Variants in RBMS1 observed in about 807,000 individuals in gnomAD.
RBMS1 encodes the protein RNA-binding motif, single-stranded-interacting protein 1.
A neutral mutation model predicts 62.3 loss-of-function variants in RBMS1; 17 were observed. The ratio of observed to expected loss-of-function variants is 0.27; its 90% CI spans 0.19 to 0.41. RBMS1 has a LOEUF of 0.41. Among genes scored for constraint, RBMS1 ranks in the 10% least tolerant of loss-of-function variants. The pLI is 1.00. For missense variants in RBMS1, 334 were observed against 504.5 expected (o/e 0.66, Z 3.24); for synonymous variants, 172 against 170.0 (o/e 1.01, Z -0.09).
At chr2:160,324,905 T>TATATATATATACAC (rs1553508414) in intron 2 of RBMS1, among the ~76,000 whole-genome samples, 1 of 118,692 alleles carries the variant, frequency 8.4e-6, no homozygotes. Context: ...TATATATATA[T>TATATATATATACAC]ATACACACAC....
intron 6 of RBMS1, among the ~76,000 whole-genome samples, chr2:160,290,258 T>C (rs1164740722): frequency 6.6e-6 from 1 of 151,022 alleles, no homozygotes; most frequent in Non-Finnish European, 1.5e-5. Flanking sequence ...AATTGTTTTT[T>C]ACAAGGGAGA....
chr2:160,299,359 T>C (rs557241630), intron 6 of RBMS1, among the ~76,000 whole-genome samples: 1 of 152,384 alleles, frequency 6.6e-6, no homozygotes, highest in African/African-American at 2.4e-5. Context: ...TTTTGTTCAC[T>C]GAATCCTGTG....
intron 6 of RBMS1, 115 bp from the exon 7 acceptor site, chr2:160,287,199 T>G: frequency 7.1e-7 from 1 of 1,400,174 alleles, no homozygotes; most frequent in Non-Finnish European, 9.8e-7. Flanking sequence ...ATACAACACT[T>G]TAAGGCAAAA....
intron 1 of RBMS1, among the ~76,000 whole-genome samples, chr2:160,384,625 T>C (rs1045814563): frequency 6.6e-6 from 1 of 152,218 alleles, no homozygotes; most frequent in Non-Finnish European, 1.5e-5. Context: ...GGGCAAAGCA[T>C]TTAAAGCTTC....
intron 1 of RBMS1, among the ~76,000 whole-genome samples, chr2:160,462,227 G>C (rs1684495839): frequency 1.3e-5 from 2 of 152,264 alleles, no homozygotes; most frequent in Admixed American, 1.3e-4. Context: ...AATCTGTTTT[G>C]TGCTATTTAT....
intron 1 of RBMS1, among the ~76,000 whole-genome samples, chr2:160,411,240 T>G (rs1352172543): frequency 6.6e-6 from 1 of 152,202 alleles, no homozygotes; most frequent in Non-Finnish European, 1.5e-5. Context: ...GGGGATTTGA[T>G]TCTGAAAACT....
chr2:160,423,154 G>A (rs1696499938), intron 1 of RBMS1, among the ~76,000 whole-genome samples: 1 of 152,016 alleles, frequency 6.6e-6, no homozygotes, highest in Non-Finnish European at 1.5e-5. Flanking sequence ...ACCCTCACTT[G>A]ACTTTCCCCA....
intron 2 of RBMS1, among the ~76,000 whole-genome samples, chr2:160,337,001 G>T (rs951484368): frequency 6.6e-6 from 1 of 152,114 alleles, no homozygotes; most frequent in Non-Finnish European, 1.5e-5. Context: ...TTGTACTTCT[G>T]AAGTTATTTT....
rs1183675474 is a variant in RBMS1, at chr2:160,324,907, T to TACAC, written c.252-6684_252-6681dup. ...GTATATATATATATATATATATATA[T>TACAC]ACACACACACACACACACACACACA... On this transcript the variant is annotated intron_variant, in intron 2 of 13. Transcript: ENST00000348849. Among the ~76,000 whole-genome samples, 828 of 106,736 alleles carry TACAC rather than the reference T, an allele frequency of 7.8e-3. 20 individuals carry two copies. Among genetic ancestry groups the TACAC allele is most frequent in the African/African-American group, 0.028 (660 of 23,960 alleles). The allele number at this position is 106,736 out of a possible 152,430, so 70.0% of individuals were successfully genotyped here.
chr2:160,474,921 A>C (rs1314930924), intron 1 of RBMS1, among the ~76,000 whole-genome samples: 2 of 152,226 alleles, frequency 1.3e-5, no homozygotes, highest in Admixed American at 1.3e-4. Context: ...TGGTGTGATA[A>C]TCTTTCACAT....
chr2:160,362,776 T>C (rs376611290), intron 2 of RBMS1, among the ~76,000 whole-genome samples: 4 of 152,142 alleles, frequency 2.6e-5, no homozygotes, highest in South Asian at 2.1e-4. Flanking sequence ...CTTCAATTTG[T>C]ATTTTTTTTT....
intron 1 of RBMS1, among the ~76,000 whole-genome samples, chr2:160,406,511 G>T (rs746184311): frequency 1.4e-4 from 22 of 152,206 alleles, no homozygotes; most frequent in Admixed American, 3.3e-4. Context: ...GCAGACAAGA[G>T]ATTTATTATG....
chr2:160,313,750 T>G (rs1690062668), intron 3 of RBMS1, among the ~76,000 whole-genome samples: 1 of 152,126 alleles, frequency 6.6e-6, no homozygotes, highest in African/African-American at 2.4e-5. Context: ...ACCCCCAATA[T>G]AAAATAATCT....
At chr2:160,412,722 T>C (rs767757228) in intron 1 of RBMS1, among the ~76,000 whole-genome samples, 1 of 152,168 alleles carries the variant, frequency 6.6e-6, no homozygotes, top group Non-Finnish European at 1.5e-5. Context: ...AACATGGGCG[T>C]GGGAAGCTCA....
chr2:160,401,112 C>T (rs186811755), intron 1 of RBMS1, among the ~76,000 whole-genome samples: 6 of 152,228 alleles, frequency 3.9e-5, no homozygotes, highest in Admixed American at 3.9e-4. Flanking sequence ...ATTTGTGATT[C>T]TATAGCAGAG....
intron 1 of RBMS1, among the ~76,000 whole-genome samples, chr2:160,422,544 C>G (rs1163882619): frequency 6.6e-6 from 1 of 152,090 alleles, no homozygotes; most frequent in Non-Finnish European, 1.5e-5. Flanking sequence ...ATGTAAGTTT[C>G]TCCCTCATTC....
At chr2:160,410,580 G>T (rs1157454139) in intron 1 of RBMS1, among the ~76,000 whole-genome samples, 6 of 152,170 alleles carry the variant, frequency 3.9e-5, no homozygotes, top group African/African-American at 4.8e-5. Flanking sequence ...GTGCTTAGTT[G>T]TAAGAGTGAT....
chr2:160,382,751 C>T (rs932536437), intron 1 of RBMS1, among the ~76,000 whole-genome samples: 2 of 152,104 alleles, frequency 1.3e-5, no homozygotes, highest in African/African-American at 2.4e-5. Context: ...CGTTAGAGGA[C>T]TAACTTGTTA....
At chr2:160,361,922 C>T (rs1298566076) in intron 2 of RBMS1, among the ~76,000 whole-genome samples, 1 of 152,208 alleles carries the variant, frequency 6.6e-6, no homozygotes, top group Non-Finnish European at 1.5e-5. Flanking sequence ...TTTTGCCTTG[C>T]TGCTGATGGC....
Sources: allele counts gnomAD v4.1 joint callset (sites outside exome capture counted in the v4.1 genomes callset), GRCh38; gene constraint gnomAD v4.1.1; transcripts MANE v1.5; gene names NCBI Gene and HGNC (gene_info 2026-07-23, HGNC 2026-07-21).